Variants in KDM5A observed in about 807,000 individuals in gnomAD.
The protein encoded by KDM5A is lysine demethylase 5A, also known as lysine-specific demethylase 5A.
A neutral mutation model predicts 193.5 loss-of-function variants in KDM5A; 42 were observed. That is an observed-to-expected ratio of 0.22 (90% confidence interval 0.17 to 0.28). KDM5A has a LOEUF of 0.28. Among genes scored for constraint, KDM5A ranks in the 10% least tolerant of loss-of-function variants. The probability of loss-of-function intolerance (pLI) is 1.00; values close to 1 mark genes in which losing one functional copy is unlikely to be tolerated. For missense variants in KDM5A, 1,692 were observed against 2,055.1 expected, an observed-to-expected ratio of 0.82 and a Z score of 3.42; for synonymous variants, 796 against 718.1, an observed-to-expected ratio of 1.11 and a Z score of -1.73.
At chr12:292,731 T>C (rs761385423) in intron 27 of KDM5A, 28 bp downstream of exon 27, 1 of 1,614,168 alleles carries the variant, frequency 6.2e-7, no homozygotes, top group South Asian at 1.1e-5. Flanking sequence ...TGACCTCTCA[T>C]GCTTGACTAT....
At chr12:329,301 G>A (rs2137419583) in intron 13 of KDM5A, 1 of 455,594 alleles carries the variant, frequency 2.2e-6, no homozygotes, top group African/African-American at 2.0e-5. Context: ...ATATCAAGAA[G>A]GAGTTCTTTG....
intron 3 of KDM5A, among the ~76,000 whole-genome samples, chr12:367,820 C>A (rs1435051030): frequency 6.6e-6 from 1 of 151,964 alleles, no homozygotes; most frequent in East Asian, 1.9e-4. Flanking sequence ...CATGATCACA[C>A]CCCTGCACTC....
intron 8 of KDM5A, among the ~76,000 whole-genome samples, 165 bp downstream of exon 8, chr12:353,911 A>T (rs1944194827): frequency 7.6e-6 from 1 of 132,208 alleles, no homozygotes; most frequent in Admixed American, 8.0e-5. Flanking sequence ...ACAGAGTGAG[A>T]CACCATCTCA....
intron 10 of KDM5A, among the ~76,000 whole-genome samples, chr12:348,489 T>C (rs10848815): frequency 0.37 from 56,308 of 151,812 alleles, 11,369 homozygotes; most frequent in East Asian, 0.58. Context: ...GTATTCACAA[T>C]AGCAAAGACT....
chr12:317,078 G>A (rs1460476850), intron 19 of KDM5A, among the ~76,000 whole-genome samples: 1 of 152,120 alleles, frequency 6.6e-6, no homozygotes, highest in Non-Finnish European at 1.5e-5. Context: ...CAAATTTGCT[G>A]ACATACAGTC....
intron 5 of KDM5A, among the ~76,000 whole-genome samples, chr12:357,827 C>CAAAAAAAAAAAAAAAAAAAAAAAAAA (rs61577928): frequency 6.7e-5 from 2 of 29,866 alleles, no homozygotes; most frequent in African/African-American, 4.0e-4. Context: ...GACTCAGTCT[C>CAAAAAAAAAAAAAAAAAAAAAAAAAA]AAAAAAAAAA....
At chr12:292,651 G>A in intron 27 of KDM5A, 108 bp downstream of exon 27, 1 of 1,378,404 alleles carries the variant, frequency 7.3e-7, no homozygotes, top group Non-Finnish European at 1.0e-6. Flanking sequence ...TATGTTGGAA[G>A]TCCAAATCCT....
intron 16 of KDM5A, 91 bp downstream of exon 16, chr12:322,991 T>C (rs2137410222): frequency 6.4e-7 from 1 of 1,562,696 alleles, no homozygotes; most frequent in South Asian, 1.1e-5. Context: ...GGATTTTTCT[T>C]TTACGGAAGG....
chr12:302,681 A>C (rs1225287457), intron 24 of KDM5A, among the ~76,000 whole-genome samples: 2 of 152,226 alleles, frequency 1.3e-5, no homozygotes, highest in African/African-American at 4.8e-5. Context: ...GGATCTAATT[A>C]AACTAAAGAG....
chr12:354,060 G>A lies in KDM5A; in HGVS notation c.1029+16C>T. 1 of 1,605,772 alleles carries A rather than the reference G, an allele frequency of 6.2e-7. No individual in the cohort carries two copies. The highest frequency in any genetic ancestry group is 8.5e-7 in the Non-Finnish European group (1 of 1,172,726). Reference sequence around the variant, plus strand: ...ATTTTTAGTTAAAAAAGGATCCATAGAGGTTAGACGTGTACCTCGGCGACA... The same window carrying A: ...ATTTTTAGTTAAAAAAGGATCCATAAAGGTTAGACGTGTACCTCGGCGACA... On this transcript the variant is annotated intron_variant, in intron 8 of 27. Coordinates refer to ENST00000399788, the MANE Select transcript of KDM5A (RefSeq NM_001042603.3).
intron 3 of KDM5A, among the ~76,000 whole-genome samples, chr12:380,310 G>C (rs1312765912): frequency 6.6e-6 from 1 of 150,846 alleles, no homozygotes; most frequent in East Asian, 1.9e-4. Context: ...TTAAACCTAA[G>C]GTTTACCTTT....
chr12:310,791 T>C, intron 21 of KDM5A, 94 bp downstream of exon 21: 2 of 1,324,840 alleles, frequency 1.5e-6, no homozygotes, highest in East Asian at 4.6e-5. Context: ...GAATCACTTG[T>C]ATAATGGTAA....
chr12:387,877 T>TA (rs1944663814), intron 1 of KDM5A, among the ~76,000 whole-genome samples: 1 of 152,228 alleles, frequency 6.6e-6, no homozygotes, highest in Non-Finnish European at 1.5e-5. Context: ...AGATGCTTTT[T>TA]AAAAAGCAAC....
At chr12:291,779 G>A (rs1208032985) in intron 27 of KDM5A, among the ~76,000 whole-genome samples, 4 of 151,786 alleles carry the variant, frequency 2.6e-5, no homozygotes, top group Non-Finnish European at 4.4e-5. Flanking sequence ...TTAAACAACT[G>A]GAATTTTTCA....
Position 296,283 on chromosome 12 carries a change from T to C in KDM5A, c.4235-490A>G, listed in dbSNP as rs12582769. On this transcript the variant is annotated intron_variant, in intron 25 of 27. Coordinates refer to ENST00000399788, the MANE Select transcript of KDM5A (RefSeq NM_001042603.3). Reference sequence around the variant, plus strand: ...GTTGCAGTGAGCCAAGATCACGCCATTGCACTCCAGCCTGGGCAACAAGAC... The same window carrying C: ...GTTGCAGTGAGCCAAGATCACGCCACTGCACTCCAGCCTGGGCAACAAGAC... 2.8e-3 allele frequency among the ~76,000 whole-genome samples: 427 copies of C among 150,520 alleles called. 14 individuals are homozygous for C. The East Asian group carries it at 0.065, about 23-fold the overall frequency.
chr12:366,037 C>T lies in KDM5A; in HGVS notation c.434G>A (p.Arg145His), dbSNP rs754666448. 12 of 1,613,762 alleles carry T rather than the reference C, an allele frequency of 7.4e-6. No individual in the cohort carries two copies. The highest frequency in any genetic ancestry group is 6.7e-5 in the East Asian group (3 of 44,876). ...KEKKWSKVGS[R>H]LGYLPGKGTG... ...TCCTTTTCCTGGCAGATATCCCAAG[C>T]GACTACCCACTTTAGACCATTTCTT... The change falls in exon 4 of 28, where the codon CGC becomes CAC. Residue 145 changes from arginine to histidine, a missense_variant. Physicochemically the swap from Arg to His is conservative, Grantham distance 29. Coordinates refer to ENST00000399788, the MANE Select transcript of KDM5A (RefSeq NM_001042603.3).
At chr12:298,810 T>A (rs1469841740) in intron 24 of KDM5A, among the ~76,000 whole-genome samples, 1 of 151,830 alleles carries the variant, frequency 6.6e-6, no homozygotes, top group Non-Finnish European at 1.5e-5. Flanking sequence ...TCAGGAAAGG[T>A]TAGAGGAATT....
At chr12:370,671 T>A (rs979361494) in intron 3 of KDM5A, among the ~76,000 whole-genome samples, 9 of 152,208 alleles carry the variant, frequency 5.9e-5, no homozygotes, top group Admixed American at 2.6e-4. Context: ...AACGTGCAGG[T>A]TTGTTACATA....
chr12:351,835 G>T (rs1944163713), intron 9 of KDM5A, among the ~76,000 whole-genome samples: 1 of 151,902 alleles, frequency 6.6e-6, no homozygotes, highest in Admixed American at 6.6e-5. Flanking sequence ...TGGGCGCAGT[G>T]GTTCATGGCT....
Sources: allele counts gnomAD v4.1 joint callset (sites outside exome capture counted in the v4.1 genomes callset), GRCh38; gene constraint gnomAD v4.1.1; transcripts MANE v1.5; gene names NCBI Gene and HGNC (gene_info 2026-07-23, HGNC 2026-07-21).